The following UNC5D variants were observed in gnomAD, a reference collection of about 807,000 sequenced individuals.
UNC5D encodes the protein unc-5 netrin receptor D.
UNC5D carries 39 observed loss-of-function variants against 105.4 expected under a neutral mutation model. The ratio of observed to expected loss-of-function variants is 0.37; its 90% confidence interval spans 0.29 to 0.48. The LOEUF (loss-of-function observed/expected upper bound fraction) is 0.48. Ranked by LOEUF, UNC5D falls within the 20% of genes least tolerant of loss-of-function variation. The pLI is 0.98. For missense variants in UNC5D, 991 were observed against 1,202.4 expected, an observed-to-expected ratio of 0.82 and a Z score of 2.60; for synonymous variants, 452 against 450.4, an observed-to-expected ratio of 1.00 and a Z score of -0.04.
At chr8:35,610,698 T>C (rs1260273345) in intron 4 of UNC5D, among the ~76,000 whole-genome samples, 2 of 152,164 alleles carry the variant, frequency 1.3e-5, no homozygotes, top group Non-Finnish European at 2.9e-5. Context: ...TCATTATGAT[T>C]TTCTCTACAT....
At chr8:35,526,479 G>C (rs1813888022) in intron 1 of UNC5D, among the ~76,000 whole-genome samples, 1 of 152,170 alleles carries the variant, frequency 6.6e-6, no homozygotes, top group Admixed American at 6.5e-5. Context: ...TGTTGTAGTT[G>C]TCATAATCGT....
rs368175270 is a variant in UNC5D, at chr8:35,240,021, G to A, written c.103+4134G>A. Among the ~76,000 whole-genome samples, 24 of 151,834 alleles carry A rather than the reference G, an allele frequency of 1.6e-4. 1 individual carries two copies. Among genetic ancestry groups the A allele is most frequent in the African/African-American group, 4.6e-4 (19 of 41,388 alleles). ...TGCCATCATAGCTCACTGCAGTGGC[G>A]AACTCCTAGGCTCAAGTGATCCTCC... On this transcript the variant is annotated intron_variant, in intron 1 of 16. Coordinates refer to ENST00000404895, the MANE Select transcript of UNC5D (RefSeq NM_080872.4).
intron 1 of UNC5D, among the ~76,000 whole-genome samples, chr8:35,288,366 A>G (rs578197572): frequency 2.4e-4 from 37 of 152,006 alleles, no homozygotes; most frequent in African/African-American, 9.0e-4. Flanking sequence ...GCTGTTCTTC[A>G]TAAATGAGGG....
intron 1 of UNC5D, among the ~76,000 whole-genome samples, chr8:35,499,273 G>A (rs1563476155): frequency 6.6e-6 from 1 of 152,224 alleles, no homozygotes; most frequent in Non-Finnish European, 1.5e-5. Context: ...CTAAGAGCTG[G>A]TAGGCACCTA....
At chr8:35,361,583 A>G (rs1036189289) in intron 1 of UNC5D, among the ~76,000 whole-genome samples, 1 of 152,180 alleles carries the variant, frequency 6.6e-6, no homozygotes, top group African/African-American at 2.4e-5. Flanking sequence ...TGTCATTGAC[A>G]CCAGTAGCAA....
chr8:35,333,566 G>A (rs563368064), intron 1 of UNC5D, among the ~76,000 whole-genome samples: 3 of 152,164 alleles, frequency 2.0e-5, no homozygotes, highest in Admixed American at 6.5e-5. Context: ...TGCAACCTCC[G>A]CCTCCTGGGT....
intron 1 of UNC5D, among the ~76,000 whole-genome samples, chr8:35,454,864 G>C (rs987489685): frequency 1.3e-5 from 2 of 152,140 alleles, no homozygotes; most frequent in Non-Finnish European, 2.9e-5. Flanking sequence ...CCGTACACGG[G>C]TGAGGAATTG....
chr8:35,743,547 G>A (rs901036304), intron 11 of UNC5D, among the ~76,000 whole-genome samples: 1 of 151,332 alleles, frequency 6.6e-6, no homozygotes, highest in Non-Finnish European at 1.5e-5. Context: ...CCAAAGTGCT[G>A]GGATTACAGA....
chr8:35,488,587 C>T (rs774743782), intron 1 of UNC5D, among the ~76,000 whole-genome samples: 1 of 152,112 alleles, frequency 6.6e-6, no homozygotes, highest in Non-Finnish European at 1.5e-5. Flanking sequence ...GGCAGGGTTG[C>T]CACCTGGTGG....
At position 35,236,783 on chromosome 8, in the gene UNC5D, C is replaced by T. The variant is rs4449788; in HGVS notation, c.103+896C>T. On this transcript the variant is annotated intron_variant, in intron 1 of 16. Transcript: ENST00000404895. Reference sequence around the variant, plus strand: ...ATCAGAGGCAGTTTCAGACACAGCTCAAGTACCGGAGCTTTACCTTTGAAA... The same window carrying T: ...ATCAGAGGCAGTTTCAGACACAGCTTAAGTACCGGAGCTTTACCTTTGAAA... Among the ~76,000 whole-genome samples, 18 of 152,306 alleles carry T rather than the reference C, an allele frequency of 1.2e-4. No individual in the cohort carries two copies. In the South Asian group the frequency reaches 2.7e-3, roughly 23 times the overall value.
At chr8:35,771,488 C>A (rs1308775119) in intron 15 of UNC5D, among the ~76,000 whole-genome samples, 2 of 152,180 alleles carry the variant, frequency 1.3e-5, no homozygotes, top group South Asian at 4.1e-4. Context: ...GATACTATTC[C>A]TACTTGATTT....
intron 3 of UNC5D, among the ~76,000 whole-genome samples, chr8:35,582,465 A>G (rs1211617907): frequency 6.6e-6 from 1 of 152,182 alleles, no homozygotes; most frequent in Non-Finnish European, 1.5e-5. Flanking sequence ...TTCTGGCAAG[A>G]TTGGCTTAAG....
chr8:35,411,954 C>T (rs1016891699), intron 1 of UNC5D, among the ~76,000 whole-genome samples: 6 of 152,066 alleles, frequency 3.9e-5, no homozygotes, highest in East Asian at 3.9e-4. Flanking sequence ...CTCATGTCCT[C>T]GCCTGTCCCC....
rs189782915 is a variant in UNC5D at position 35,745,069 on chromosome 8, T to C, written c.1767-3458T>C. ...AACTCTGTCTCAAAAAAAAAAAAATTCCCTAGCCTCAAGGAGCTTACATTC... is the reference window on the plus strand; with the variant it reads ...AACTCTGTCTCAAAAAAAAAAAAATCCCCTAGCCTCAAGGAGCTTACATTC... On this transcript the variant is annotated intron_variant, in intron 11 of 16. Transcript: ENST00000404895. 3.7e-3 allele frequency among the ~76,000 whole-genome samples: 567 copies of C among 151,676 alleles called. 1 individual carries two copies. The highest frequency in any genetic ancestry group is 0.013 in the African/African-American group (537 of 41,366).
At chr8:35,465,862 T>C (rs1246080178) in intron 1 of UNC5D, among the ~76,000 whole-genome samples, 1 of 152,078 alleles carries the variant, frequency 6.6e-6, no homozygotes. Flanking sequence ...GATGTTATCG[T>C]AGAAGACAAT....
At chr8:35,701,383 A>G (rs1202755625) in intron 7 of UNC5D, among the ~76,000 whole-genome samples, 3 of 152,124 alleles carry the variant, frequency 2.0e-5, no homozygotes, top group Admixed American at 6.6e-5. Context: ...CACATGTGCC[A>G]TCTTCCCCCA....
chr8:35,413,257 C>CTGTGTGTGTGTGTGTG (rs1183992855), intron 1 of UNC5D, among the ~76,000 whole-genome samples: 1 of 130,118 alleles, frequency 7.7e-6, no homozygotes, highest in African/African-American at 3.0e-5. Context: ...GGGGGCGGGT[C>CTGTGTGTGTGTGTGTG]TGTGTGTGTG....
rs1206762814 is a variant in UNC5D at position 35,406,591 on chromosome 8, A to G, written c.104-142701A>G. Among the ~76,000 whole-genome samples, 7 of 152,302 alleles carry G rather than the reference A, an allele frequency of 4.6e-5. 1 individual carries two copies. The South Asian group carries it at 1.0e-3, about 23-fold the overall frequency. On this transcript the variant is annotated intron_variant, in intron 1 of 16. Transcript: ENST00000404895. The stretch of plus-strand genomic sequence containing the variant: ...AGTACCAGCTTCAGCTTCAAAAAGT[A>G]TATTTCCCAGAGAGAATCTCGGACT...
At chr8:35,360,719 G>A (rs1801808874) in intron 1 of UNC5D, among the ~76,000 whole-genome samples, 1 of 152,120 alleles carries the variant, frequency 6.6e-6, no homozygotes, top group Non-Finnish European at 1.5e-5. Context: ...TTAGGAGTCT[G>A]GGAAACTATA....
Sources: allele counts gnomAD v4.1 joint callset (sites outside exome capture counted in the v4.1 genomes callset), GRCh38; gene constraint gnomAD v4.1.1; transcripts MANE v1.5; gene names NCBI Gene and HGNC (gene_info 2026-07-23, HGNC 2026-07-21).